BCAS1: variants seen among roughly 807,000 people sequenced by gnomAD.
BCAS1 encodes breast carcinoma-amplified sequence 1.
Under a neutral mutation model 65.4 loss-of-function variants are expected in BCAS1, and 46 were observed. The ratio of observed to expected loss-of-function variants is 0.70; its 90% CI spans 0.55 to 0.90. The LOEUF is 0.90. Among genes scored for constraint, BCAS1 ranks in the 40% least tolerant of loss-of-function variants. The pLI, the probability that BCAS1 is intolerant of heterozygous loss-of-function variation, is 0.00. For missense variants in BCAS1, 793 were observed against 771.2 expected, an observed-to-expected ratio of 1.03 and a Z score of -0.33; for synonymous variants, 298 against 293.5, an observed-to-expected ratio of 1.02 and a Z score of -0.16.
intron 3 of BCAS1, among the ~76,000 whole-genome samples, chr20:54,046,064 C>T (rs2092098231): frequency 6.6e-6 from 1 of 152,102 alleles, no homozygotes; most frequent in Non-Finnish European, 1.5e-5. Context: ...AATATGATTG[C>T]ATTTATTCAT....
chr20:53,980,147 T>G (rs1043987608), intron 8 of BCAS1, among the ~76,000 whole-genome samples: 2 of 152,216 alleles, frequency 1.3e-5, no homozygotes, highest in Non-Finnish European at 2.9e-5. Flanking sequence ...CCAAAAATTC[T>G]AGGTCATACT....
At chr20:54,064,668 C>T (rs930558242) in intron 1 of BCAS1, among the ~76,000 whole-genome samples, 3 of 152,214 alleles carry the variant, frequency 2.0e-5, no homozygotes, top group African/African-American at 4.8e-5. Context: ...CCCCTCTCTC[C>T]TCTTGAGAAC....
chr20:53,948,580 C>T (rs922727389), intron 12 of BCAS1, among the ~76,000 whole-genome samples: 1 of 152,182 alleles, frequency 6.6e-6, no homozygotes, highest in African/African-American at 2.4e-5. Context: ...CTCATACATA[C>T]ACATGCCCTT....
chr20:54,034,975 A>C lies in BCAS1; in HGVS notation c.143-6003T>G, dbSNP rs185272454. Among the ~76,000 whole-genome samples the C allele has an allele frequency of 1.1e-3, 165 of 151,506 alleles. 4 individuals are homozygous for C. The highest frequency in any genetic ancestry group is 3.7e-3 in the African/African-American group (153 of 41,450). ...GAACAGAATAGAGAACCCGGAAATA[A>C]GACCACACACCTACAACTATCTAAT... On this transcript the variant is annotated intron_variant, in intron 3 of 12. Coordinates refer to ENST00000688948, the MANE Select transcript of BCAS1 (RefSeq NM_001366298.2).
At chr20:53,945,028 T>C (rs375738750) in intron 12 of BCAS1, 32 bp from the exon 13 acceptor site, 17 of 1,598,880 alleles carry the variant, frequency 1.1e-5, no homozygotes, top group African/African-American at 5.4e-5. Context: ...TGGCAGCCTA[T>C]TGAAGCTCTG....
chr20:54,059,389 A>G (rs1387009011), intron 1 of BCAS1, among the ~76,000 whole-genome samples: 1 of 152,174 alleles, frequency 6.6e-6, no homozygotes. Flanking sequence ...AGTTAAAGTC[A>G]CAGCTATTAG....
chr20:54,052,016 C>T (rs773872637), intron 3 of BCAS1, among the ~76,000 whole-genome samples: 8 of 152,074 alleles, frequency 5.3e-5, no homozygotes, highest in African/African-American at 9.7e-5. Context: ...TGGGATTACA[C>T]GCGTGAGCCA....
chr20:53,953,754 A>G (rs1398064654), intron 11 of BCAS1, 59 bp from the exon 12 acceptor site: 7 of 1,548,572 alleles, frequency 4.5e-6, no homozygotes, highest in Non-Finnish European at 6.1e-6. Context: ...CTCAATAGCA[A>G]GGGAATAAAT....
chr20:54,056,424 G>A (rs185427018), intron 3 of BCAS1, among the ~76,000 whole-genome samples: 1 of 152,228 alleles, frequency 6.6e-6, no homozygotes, highest in East Asian at 1.9e-4. Context: ...GGGGCGTAGG[G>A]TAGCATAATG....
At chr20:54,041,200 G>T (rs1006313658) in intron 3 of BCAS1, among the ~76,000 whole-genome samples, 1 of 151,224 alleles carries the variant, frequency 6.6e-6, no homozygotes, top group Non-Finnish European at 1.5e-5. Flanking sequence ...AGCGCTAAAG[G>T]GTAGGGAGTT....
At chr20:54,040,270 T>C (rs1205746329) in intron 3 of BCAS1, among the ~76,000 whole-genome samples, 1 of 151,396 alleles carries the variant, frequency 6.6e-6, no homozygotes, top group Non-Finnish European at 1.5e-5. Flanking sequence ...AAAAAGGCTC[T>C]ACAGATTCAC....
At chr20:53,994,149 C>A (rs995131055) in intron 6 of BCAS1, among the ~76,000 whole-genome samples, 1 of 152,168 alleles carries the variant, frequency 6.6e-6, no homozygotes, top group African/African-American at 2.4e-5. Context: ...ATGTGGGTAG[C>A]AGATGTAGGG....
chr20:54,069,983 T>C (rs2092495565), intron 1 of BCAS1, among the ~76,000 whole-genome samples: 1 of 152,182 alleles, frequency 6.6e-6, no homozygotes, highest in African/African-American at 2.4e-5. Context: ...CAAAAGGCAC[T>C]CCACAAGTCC....
chr20:53,953,313 G>C, intron 12 of BCAS1, 119 bp downstream of exon 12: 7 of 1,294,610 alleles, frequency 5.4e-6, no homozygotes, highest in Non-Finnish European at 7.5e-6. Context: ...AAAACCCTGA[G>C]TGATAGACCC....
At chr20:53,959,501 G>A (rs561148210) in intron 10 of BCAS1, among the ~76,000 whole-genome samples, 31 of 152,134 alleles carry the variant, frequency 2.0e-4, no homozygotes, top group South Asian at 8.3e-4. Context: ...TGATCCACCC[G>A]CCTCGGCCTC....
chr20:53,965,095 T>C (rs2089992479), intron 10 of BCAS1, among the ~76,000 whole-genome samples: 2 of 152,230 alleles, frequency 1.3e-5, no homozygotes, highest in African/African-American at 2.4e-5. Flanking sequence ...TAATCTCCAT[T>C]TTCACTGCCA....
At chr20:53,968,450 C>T (rs2090095469) in intron 9 of BCAS1, among the ~76,000 whole-genome samples, 1 of 152,112 alleles carries the variant, frequency 6.6e-6, no homozygotes, top group Admixed American at 6.5e-5. Flanking sequence ...ATTTTCTTTC[C>T]CATCATACAG....
At position 53,975,485 on chromosome 20, in the gene BCAS1, G is replaced by A. The variant is rs555390035; in HGVS notation, c.1276-55C>T. ...TTAAAAGGTTACAGAAAACAAAATT[G>A]TTACATAAAAGCAAAGGGTTAGTTG... On this transcript the variant is annotated intron_variant, in intron 8 of 12. Transcript: ENST00000688948. The A allele has an allele frequency of 2.6e-5, 39 of 1,521,020 alleles. 1 individual carries two copies. In the African/African-American group the frequency reaches 4.8e-4, roughly 19 times the overall value. The allele number at this position is 1,521,020 out of a possible 1,614,324, so 94.2% of individuals were successfully genotyped here. A position where few individuals can be genotyped will look rare whatever the true frequency, so the allele number is the denominator to read the frequency against.
At chr20:54,038,334 A>G (rs1172089197) in intron 3 of BCAS1, among the ~76,000 whole-genome samples, 1 of 151,278 alleles carries the variant, frequency 6.6e-6, no homozygotes, top group African/African-American at 2.4e-5. Context: ...ACTCTCTGAA[A>G]TGATCCCATT....
Sources: gnomAD v4.1 joint callset for allele counts (sites outside exome capture counted in the v4.1 genomes callset) on GRCh38, gnomAD v4.1.1 for gene constraint, MANE v1.5 for transcripts, NCBI Gene and HGNC (gene_info 2026-07-23, HGNC 2026-07-21) for gene names.